ABHD11: variants seen among roughly 807,000 people sequenced by gnomAD.
ABHD11 encodes abhydrolase domain containing 11, also known as sn-1-specific diacylglycerol lipase ABHD11.
In ABHD11, 26 loss-of-function variants were observed where a neutral mutation model predicts 29.0. That is an observed-to-expected ratio of 0.90 (90% CI 0.66 to 1.24). The LOEUF (loss-of-function observed/expected upper bound fraction) is 1.24, where lower values mean the gene tolerates loss of function less well. Ranked by LOEUF, ABHD11 falls within the 50% of genes most tolerant of loss-of-function variation. The pLI is 0.00. For synonymous variants in ABHD11, 169 were observed against 166.4 expected, an observed-to-expected ratio of 1.02 and a Z score of -0.12; for missense variants, 381 against 422.4, an observed-to-expected ratio of 0.90 and a Z score of 0.86.
chr7:73,737,001 G>C lies in ABHD11; in HGVS notation c.716C>G (p.Ala239Gly). ...ALTQHLDKIL[A>G]FPQRQESYLG... ...GTAGGACTCCTGCCTCTGTGGGAAA[G>C]CCAAGATCTTGTCTAGGTGCTGGGT... Residue 239 changes from alanine (A) to glycine (G), a missense_variant, in exon 5 of 6, where the codon GCT becomes GGT. Physicochemically the swap from Ala to Gly is moderately conservative, Grantham distance 60. Transcript: ENST00000222800. 6.2e-7 allele frequency: 1 copy of C among 1,613,752 alleles called. No homozygotes were observed. Among genetic ancestry groups the C allele is most frequent in the East Asian group, 2.2e-5 (1 of 44,858 alleles).
Position 73,737,695 on chromosome 7 carries a change from T to C in ABHD11, c.302A>G (p.His101Arg). The C allele has an allele frequency of 6.2e-7, 1 of 1,613,858 alleles. No individual in the cohort carries two copies. Among genetic ancestry groups the C allele is most frequent in the Non-Finnish European group, 8.5e-7 (1 of 1,179,890 alleles). Residue 101 changes from histidine to arginine, a missense_variant, in exon 3 of 6, where the codon CAC becomes CGC. By Grantham distance (29) the His-to-Arg change is conservative. Coordinates refer to ENST00000222800, the MANE Select transcript of ABHD11 (RefSeq NM_148912.4). ...VDARNHGDSP[H>R]SPDMSYEIMS... Reference sequence around the variant, plus strand: ...GATCTCGTAGCTCATGTCTGGGCTGTGGGGGCTGTCACCGTGGTTACGAGC... The same window carrying C: ...GATCTCGTAGCTCATGTCTGGGCTGCGGGGGCTGTCACCGTGGTTACGAGC...
intron 3 of ABHD11, 37 bp from the exon 4 acceptor site, chr7:73,737,428 A>T: frequency 6.3e-7 from 1 of 1,587,200 alleles, no homozygotes. Context: ...AGTCTTAGGC[A>T]GACATAGGGA....
Position 73,736,458 on chromosome 7 carries a change from T to TC in ABHD11, c.*100dup. ...TTTCACCATGTTGGCCAGGCTGGTC[T>TC]CCAACTCCTGGCCTCAAGTCATCCT... is the stretch of plus-strand genomic sequence containing the variant. On this transcript the variant is annotated 3_prime_UTR_variant, in exon 6 of 6. Coordinates refer to ENST00000222800, the MANE Select transcript of ABHD11 (RefSeq NM_148912.4). The TC allele has an allele frequency of 1.3e-6, 2 of 1,498,614 alleles. No individual in the cohort carries two copies. Among genetic ancestry groups the TC allele is most frequent in the Non-Finnish European group, 1.8e-6 (2 of 1,102,330 alleles). 92.8% of individuals were successfully genotyped at this position (1,498,614 alleles called of 1,614,324 possible). A position where few individuals can be genotyped will look rare whatever the true frequency, so the allele number is the denominator to read the frequency against.
chr7:73,738,144 TACA>T, intron 2 of ABHD11, 181 bp downstream of exon 2: 1 of 1,101,982 alleles, frequency 9.1e-7, no homozygotes, highest in Non-Finnish European at 1.4e-6. Context: ...GATGGAGATC[TACA>T]ACATGAATTA....
Position 73,736,674 on chromosome 7 carries a change from T to C in ABHD11, c.806A>G (p.Glu269Gly). Residue 269 changes from glutamate (E) to glycine (G), a missense_variant, in exon 6 of 6, where the codon GAG becomes GGG. Physicochemically the swap from Glu to Gly is moderately conservative, Grantham distance 98 (BLOSUM62 -2). Coordinates refer to ENST00000222800, the MANE Select transcript of ABHD11 (RefSeq NM_148912.4). ...SQFVHPSHHP[E>G]IMRLFPRAQM... The stretch of plus-strand genomic sequence containing the variant: ...GGCCCGAGGGAAGAGCCGCATAATC[T>C]CAGGGTGGTGGCTGGGACTGTGCAT... 7 of 1,613,748 alleles carry C rather than the reference T, an allele frequency of 4.3e-6. No homozygotes were observed. The highest frequency in any genetic ancestry group is 5.9e-6 in the Non-Finnish European group (7 of 1,180,004).
chr7:73,738,099 GA>G, intron 2 of ABHD11: 1 of 835,306 alleles, frequency 1.2e-6, no homozygotes, highest in Non-Finnish European at 2.0e-6. Flanking sequence ...CCCCTTCATG[GA>G]AAGGGTGCAG....
chr7:73,737,417 C>A (rs782577829), intron 3 of ABHD11, 26 bp from the exon 4 acceptor site: 1 of 1,594,818 alleles, frequency 6.3e-7, no homozygotes. Context: ...GAACTGGGAC[C>A]AGTCTTAGGC....
At position 73,736,648 on chromosome 7, in the gene ABHD11, G is replaced by A. The variant is rs1554621827; in HGVS notation, c.832C>T (p.Gln278Ter). ...PEIMRLFPRA[Q>*]MQTVPNAGHW... is the part of the protein sequence containing the mutation. ...CCAGCGTTCGGCACCGTCTGCATCTGGGCCCGAGGGAAGAGCCGCATAATC... is the reference window on the plus strand; with the variant it reads ...CCAGCGTTCGGCACCGTCTGCATCTAGGCCCGAGGGAAGAGCCGCATAATC... Residue 278 changes from glutamine (Q) to a stop codon, truncating the protein, a stop_gained, in exon 6 of 6, where the codon CAG becomes TAG. Transcript: ENST00000222800. LOFTEE classifies it high-confidence loss of function. 2 of 1,613,928 alleles carry A rather than the reference G, an allele frequency of 1.2e-6. No homozygotes were observed. Among genetic ancestry groups the A allele is most frequent in the Admixed American group, 1.7e-5 (1 of 59,990 alleles).
Position 73,738,642 on chromosome 7 carries a change from T to A in ABHD11, c.125+4A>T. On this transcript the variant is annotated splice_donor_region_variant and intron_variant, in intron 1 of 5. Coordinates refer to ENST00000222800, the MANE Select transcript of ABHD11 (RefSeq NM_148912.4). The stretch of plus-strand genomic sequence containing the variant: ...TGGCCTCCCGCCCGGTGCCCTTGAC[T>A]GACCTCGGCTCGGCGCCCCCTCGGC... The A allele has an allele frequency of 6.3e-7, 1 of 1,592,546 alleles. No individual in the cohort carries two copies. Among genetic ancestry groups the A allele is most frequent in the South Asian group, 1.1e-5 (1 of 88,478 alleles).
Position 73,736,506 on chromosome 7 carries a change from C to T in ABHD11, c.*53G>A. On this transcript the variant is annotated 3_prime_UTR_variant, in exon 6 of 6. Transcript: ENST00000222800. ...CCTCCCGCCTTAGCCTCCCAAAGTG[C>T]TGGAATTACAGGCATGAGCCACCAC... is the stretch of plus-strand genomic sequence containing the variant. 1 of 1,605,230 alleles carries T rather than the reference C, an allele frequency of 6.2e-7. No individual in the cohort carries two copies. The highest frequency in any genetic ancestry group is 8.5e-7 in the Non-Finnish European group (1 of 1,176,148).
chr7:73,738,222 A>G, intron 2 of ABHD11, 106 bp downstream of exon 2: 2 of 1,468,276 alleles, frequency 1.4e-6, no homozygotes, highest in Non-Finnish European at 1.9e-6. Flanking sequence ...AGAGTGAGGG[A>G]TCTGGAAGTG....
At chr7:73,738,494 G>C in intron 1 of ABHD11, 31 bp from the exon 2 acceptor site, 6 of 1,598,302 alleles carry the variant, frequency 3.8e-6, no homozygotes, top group Admixed American at 1.7e-5. Flanking sequence ...GTCAGAGTCT[G>C]AGCCGGCGGA....
In ABHD11 at chr7:73,736,361, T is replaced by C. The variant is rs1799869302; in HGVS notation, c.*198A>G. On this transcript the variant is annotated 3_prime_UTR_variant, in exon 6 of 6. Transcript: ENST00000222800. ...TTCAAGTGATTCTCCTGCCTCAGCC[T>C]CCAGAGTAGCTGGGATTACAGGTGT... is the stretch of plus-strand genomic sequence containing the variant. The C allele has an allele frequency of 4.6e-6, 3 of 646,894 alleles. No homozygotes were observed. The highest frequency in any genetic ancestry group is 3.6e-5 in the South Asian group (2 of 55,598). The allele number at this position is 646,894 out of a possible 1,614,324, so 40.1% of individuals were successfully genotyped here. A position where few individuals can be genotyped will look rare whatever the true frequency, so the allele number is the denominator to read the frequency against.
intron 2 of ABHD11, 185 bp from the exon 3 acceptor site, chr7:73,737,920 G>A (rs1427440252): frequency 3.1e-6 from 3 of 968,792 alleles, no homozygotes; most frequent in Non-Finnish European, 3.2e-6. Context: ...TGCCAGAGAA[G>A]AGCAGGCCCC....
intron 1 of ABHD11, 45 bp downstream of exon 1, chr7:73,738,601 A>G (rs200925160): frequency 2.1e-5 from 33 of 1,574,072 alleles, no homozygotes; most frequent in Middle Eastern, 2.2e-4. Context: ...CCCGGCAGGA[A>G]AAGGAGGACA....
rs782284790 is a variant in ABHD11, at chr7:73,738,660, C to A, written c.111G>T (p.Gly37=). The stretch of plus-strand genomic sequence containing the variant: ...CCTTGACTGACCTCGGCTCGGCGCC[C>A]CCTCGGCCGCCGCTGCTGCTGCTGG... ...VAPSSSSGGR[G]GAEPRPLPLS... is the part of the protein sequence containing the mutation. The change falls in exon 1 of 6, where the codon GGG becomes GGT. Residue 37 remains glycine, a synonymous_variant. Coordinates refer to ENST00000222800, the MANE Select transcript of ABHD11 (RefSeq NM_148912.4). 2.5e-6 allele frequency: 4 copies of A among 1,594,282 alleles called. No homozygotes were observed. The highest frequency in any genetic ancestry group is 3.5e-5 in the Admixed American group (2 of 57,052).
Position 73,738,370 on chromosome 7 carries a change from G to C in ABHD11, c.219C>G (p.Phe73Leu), listed in dbSNP as rs556424055. ...GGGCCAAGATCTTGGCGATGGAGTT[G>C]AAGTTAGTTTTGCTGCCGAAGAGCC... The part of the protein sequence containing the change: ...LHGLFGSKTN[F>L]NSIAKILAQQ... Residue 73 changes from phenylalanine (F) to leucine (L), a missense_variant, in exon 2 of 6, where the codon TTC (phenylalanine) becomes TTG (leucine). Physicochemically the swap from Phe to Leu is conservative, Grantham distance 22 (BLOSUM62 0). Transcript: ENST00000222800. 18 of 1,610,594 alleles carry C rather than the reference G, an allele frequency of 1.1e-5. 1 individual carries two copies. The African/African-American group carries it at 1.2e-4, about 11-fold the overall frequency.
chr7:73,737,696 G>A lies in ABHD11; in HGVS notation c.301C>T (p.His101Tyr), dbSNP rs1554622451. Reference protein sequence around the residue: ...VDARNHGDSPHSPDMSYEIMS... With the variant: ...VDARNHGDSPYSPDMSYEIMS... ...ATCTCGTAGCTCATGTCTGGGCTGT[G>A]GGGGCTGTCACCGTGGTTACGAGCA... Residue 101 changes from histidine to tyrosine, a missense_variant, in exon 3 of 6, where the codon CAC becomes TAC. Transcript: ENST00000222800. The A allele has an allele frequency of 1.9e-6, 3 of 1,613,862 alleles. No homozygotes were observed. The highest frequency in any genetic ancestry group is 1.7e-5 in the Admixed American group (1 of 59,898).
chr7:73,737,402 G>T lies in ABHD11; in HGVS notation c.436-11C>A, dbSNP rs1800014671. 1 of 1,607,220 alleles carries T rather than the reference G, an allele frequency of 6.2e-7. No individual in the cohort carries two copies. Among genetic ancestry groups the T allele is most frequent in the East Asian group, 2.2e-5 (1 of 44,808 alleles). On this transcript the variant is annotated splice_polypyrimidine_tract_variant and intron_variant, in intron 3 of 5. Coordinates refer to ENST00000222800, the MANE Select transcript of ABHD11 (RefSeq NM_148912.4). ...TTCCACCAGCTCTGGCTGTGGGAGA[G>T]AACCGAACTGGGACCAGTCTTAGGC...
Sources: allele counts gnomAD v4.1 joint callset, GRCh38; gene constraint gnomAD v4.1.1; transcripts MANE v1.5; gene names NCBI Gene and HGNC (gene_info 2026-07-23, HGNC 2026-07-21).